Variants in ROGDI observed in about 807,000 individuals in gnomAD.
ROGDI encodes rogdi atypical leucine zipper, also known as protein rogdi homolog.
Under a neutral mutation model 43.1 loss-of-function variants are expected in ROGDI, and 46 were observed. The observed-to-expected ratio is 1.07, with a 90% CI of 0.84 to 1.37. ROGDI has a LOEUF of 1.37. Among genes scored for constraint, ROGDI ranks in the 40% most tolerant of loss-of-function variants. The pLI, the probability that ROGDI is intolerant of heterozygous loss-of-function variation, is 0.00. For synonymous variants in ROGDI, 243 were observed against 162.0 expected (o/e 1.50, Z -3.80); for missense variants, 518 against 383.9 (o/e 1.35, Z -2.92).
chr16:4,800,490 G>A lies in ROGDI; in HGVS notation c.336+8C>T, dbSNP rs1447116245. ...TGGCTGAGCACTAGCCAGGAGGGGC[G>A]GGGTCACCTGCTGCAGCTTCCACTG... On this transcript the variant is annotated splice_region_variant and intron_variant, in intron 5 of 10. Transcript: ENST00000322048. 10 of 1,552,388 alleles carry A rather than the reference G, an allele frequency of 6.4e-6. No homozygotes were observed. The highest frequency in any genetic ancestry group is 2.4e-5 in the East Asian group (1 of 41,192).
In ROGDI at chr16:4,801,273, G is replaced by C. The variant is rs769659198; in HGVS notation, c.249C>G (p.Ser83Arg). ...GVLTLQGDALSQADVNLKMPR... is the reference protein window; with the variant it reads ...GVLTLQGDALRQADVNLKMPR... ...ACAGGGCCGGGGGACTCACCGCCTG[G>C]CTGAGGGCATCCCCCTGCAGAGTCA... The change falls in exon 4 of 11, where the codon AGC becomes AGG. Residue 83 changes from serine (S) to arginine (R), a missense_variant. Transcript: ENST00000322048. 3 of 1,606,736 alleles carry C rather than the reference G, an allele frequency of 1.9e-6. No homozygotes were observed. In the South Asian group the frequency reaches 3.3e-5, roughly 18 times the overall value.
At chr16:4,802,078 C>CAGGCAG (rs1450457920) in intron 2 of ROGDI, 4 of 622,552 alleles carry the variant, frequency 6.4e-6, no homozygotes, top group Non-Finnish European at 1.2e-5. Flanking sequence ...GTCACACTGC[C>CAGGCAG]AGGCAGAGGC....
rs752089137 is a variant in ROGDI at position 4,797,958 on chromosome 16, C to T, written c.675G>A (p.Leu225=). 1.9e-6 allele frequency: 3 copies of T among 1,604,852 alleles called. No individual in the cohort carries two copies. Among genetic ancestry groups the T allele is most frequent in the Admixed American group, 1.7e-5 (1 of 59,672 alleles). ...KNFRPAGGAV[L]HSPGAMFEWG... ...CTTACAACATGGCCCCAGGGCTATG[C>T]AGCACCGCGCCCCCAGCTGGGCGGA... Residue 225 remains leucine (L), a synonymous_variant, in exon 9 of 11, where the codon CTG becomes CTA. Transcript: ENST00000322048.
intron 7 of ROGDI, 179 bp downstream of exon 7, chr16:4,798,390 A>G (rs374924457): frequency 2.2e-5 from 15 of 695,930 alleles, no homozygotes; most frequent in East Asian, 1.4e-4. Context: ...AACCCGAAAC[A>G]GGGTTAACGT....
rs369198714 is a variant in ROGDI at position 4,801,336 on chromosome 16, G to C, written c.201-15C>G. On this transcript the variant is annotated splice_polypyrimidine_tract_variant and intron_variant, in intron 3 of 10. Coordinates refer to ENST00000322048, the MANE Select transcript of ROGDI (RefSeq NM_024589.3). ...CCTGGTCTGTGCTGTAACATGTGGC[G>C]TCAGAGCGGTGCCTGTGGTCACCCC... 1.2e-6 allele frequency: 2 copies of C among 1,600,396 alleles called. No individual in the cohort carries two copies. Among genetic ancestry groups the C allele is most frequent in the Non-Finnish European group, 1.7e-6 (2 of 1,170,704 alleles).
At chr16:4,800,427 G>T in intron 5 of ROGDI, 71 bp downstream of exon 5, 3 of 1,270,514 alleles carry the variant, frequency 2.4e-6, no homozygotes, top group South Asian at 1.3e-5. Context: ...TCCCTCTCCA[G>T]GGAGGCCCCG....
At position 4,800,416 on chromosome 16, in the gene ROGDI, G is replaced by C. The variant is rs917156946; in HGVS notation, c.336+82C>G. On this transcript the variant is annotated intron_variant, in intron 5 of 10. Coordinates refer to ENST00000322048, the MANE Select transcript of ROGDI (RefSeq NM_024589.3). ...CTGTGGCCACAGATCCCCAGGGCTAGTCCCTCTCCAGGGAGGCCCCGCGGC... is the reference window on the plus strand; with the variant it reads ...CTGTGGCCACAGATCCCCAGGGCTACTCCCTCTCCAGGGAGGCCCCGCGGC... 9.0e-6 allele frequency: 10 copies of C among 1,116,336 alleles called. No homozygotes were observed. The Admixed American group carries it at 1.9e-4, about 21-fold the overall frequency. 69.2% of individuals were successfully genotyped at this position (1,116,336 alleles called of 1,614,324 possible).
intron 10 of ROGDI, 65 bp downstream of exon 10, chr16:4,797,649 T>G: frequency 6.2e-7 from 1 of 1,609,780 alleles, no homozygotes; most frequent in African/African-American, 1.3e-5. Flanking sequence ...GTTGGGGCGC[T>G]CTGAGGGTGT....
intron 2 of ROGDI, chr16:4,802,049 G>A (rs1596279808): frequency 1.7e-6 from 1 of 599,308 alleles, no homozygotes; most frequent in Non-Finnish European, 3.1e-6. Context: ...GCCCAGGGAG[G>A]TTCAGTGACT....
In ROGDI at chr16:4,797,924, C is replaced by G. The variant is rs904766669; in HGVS notation, c.695+14G>C. On this transcript the variant is annotated intron_variant, in intron 9 of 10. Transcript: ENST00000322048. ...GGGTGGGCGTGCCTGGACCCCCCGCCCCTGCCTACTTACAACATGGCCCCA... is the reference window on the plus strand; with the variant it reads ...GGGTGGGCGTGCCTGGACCCCCCGCGCCTGCCTACTTACAACATGGCCCCA... The G allele has an allele frequency of 6.3e-7, 1 of 1,599,042 alleles. No homozygotes were observed. Among genetic ancestry groups the G allele is most frequent in the Non-Finnish European group, 8.5e-7 (1 of 1,170,498 alleles).
chr16:4,797,787 A>C lies in ROGDI; in HGVS notation c.749T>G (p.Val250Gly). 6.2e-7 allele frequency: 1 copy of C among 1,613,624 alleles called. No homozygotes were observed. Among genetic ancestry groups the C allele is most frequent in the Non-Finnish European group, 8.5e-7 (1 of 1,179,956 alleles). Residue 250 changes from valine (V) to glycine (G), a missense_variant, in exon 10 of 11, where the codon GTG (valine) becomes GGG (glycine). Physicochemically the swap from Val to Gly is moderately radical, Grantham distance 109. Coordinates refer to ENST00000322048, the MANE Select transcript of ROGDI (RefSeq NM_024589.3). ...CAGGGCGTCGTTGAGCCAGGGGATC[A>C]CGCACTCCACTTTGTGCACGTGGCT... ...EVSHVHKVEC[V>G]IPWLNDALVY...
chr16:4,801,718 C>T lies in ROGDI; in HGVS notation c.118-133G>A, dbSNP rs2082724141. On this transcript the variant is annotated intron_variant, in intron 2 of 10. Coordinates refer to ENST00000322048, the MANE Select transcript of ROGDI (RefSeq NM_024589.3). ...GTGGCCTGGCCTCACCTGGGTTCAG[C>T]TGGGGTGGGAAGACCCTGCCCAAGC... 4.9e-6 allele frequency: 4 copies of T among 818,120 alleles called. No homozygotes were observed. In the Admixed American group the frequency reaches 8.8e-5, roughly 18 times the overall value. The allele number at this position is 818,120 out of a possible 1,614,324, so 50.7% of individuals were successfully genotyped here.
intron 10 of ROGDI, 77 bp downstream of exon 10, chr16:4,797,637 A>G: frequency 6.2e-7 from 1 of 1,606,902 alleles, no homozygotes; most frequent in South Asian, 1.1e-5. Flanking sequence ...CCAGACCCCA[A>G]GGTTGGGGCG....
At chr16:4,801,811 C>G (rs1025342812) in intron 2 of ROGDI, 10 of 598,304 alleles carry the variant, frequency 1.7e-5, no homozygotes, top group Middle Eastern at 4.4e-4. Context: ...TCCTGTGTGC[C>G]CGCCTCGGGG....
Position 4,798,561 on chromosome 16 carries a change from G to A in ROGDI, c.531+8C>T. The A allele has an allele frequency of 1.3e-6, 2 of 1,545,492 alleles. No individual in the cohort carries two copies. Among genetic ancestry groups the A allele is most frequent in the Non-Finnish European group, 1.7e-6 (2 of 1,150,518 alleles). On this transcript the variant is annotated splice_region_variant and intron_variant, in intron 7 of 10. Transcript: ENST00000322048. ...TCTCCTGCAGCAGGGGCTGGCAGGG[G>A]CACTGACCGTGAGGCCGCTGGCGGC...
At chr16:4,800,439 G>C in intron 5 of ROGDI, 59 bp downstream of exon 5, 1 of 1,404,116 alleles carries the variant, frequency 7.1e-7, no homozygotes, top group Non-Finnish European at 9.8e-7. Context: ...GAGGCCCCGC[G>C]GCAGGCCTGC....
intron 2 of ROGDI, 48 bp downstream of exon 2, chr16:4,802,334 G>T: frequency 1.3e-6 from 2 of 1,484,506 alleles, no homozygotes; most frequent in East Asian, 2.4e-5. Context: ...CCAGGGAAAT[G>T]AGGAGGGAGG....
In ROGDI at chr16:4,797,738, C is replaced by G. The variant is rs1157020326; in HGVS notation, c.798G>C (p.Gln266His). 2.1e-6 allele frequency: 3 copies of G among 1,409,664 alleles called. No individual in the cohort carries two copies. The highest frequency in any genetic ancestry group is 5.5e-5 in the East Asian group (2 of 36,276). The allele number at this position is 1,409,664 out of a possible 1,614,324, so 87.3% of individuals were successfully genotyped here. The change falls in exon 10 of 11, where the codon CAG (glutamine) becomes CAC (histidine). Residue 266 changes from glutamine (Q) to histidine (H), a missense_variant. By Grantham distance (24) the Gln-to-His change is conservative (BLOSUM62 0). Coordinates refer to ENST00000322048, the MANE Select transcript of ROGDI (RefSeq NM_024589.3). Reference protein sequence around the residue: ...DALVYFTVSLQLCQQLKDKIS... With the variant: ...DALVYFTVSLHLCQQLKDKIS... ...CCTTGTCCTTGAGCTGCTGGCAGAG[C>G]TGCAGGGAGACGGTGAAGTAGACCA...
chr16:4,798,970 C>T (rs1436438998), intron 6 of ROGDI, among the ~76,000 whole-genome samples: 1 of 152,016 alleles, frequency 6.6e-6, no homozygotes, highest in South Asian at 2.1e-4. Flanking sequence ...GCTTTGTGGA[C>T]AGGGGTACAG....
Sources: allele counts gnomAD v4.1 joint callset (sites outside exome capture counted in the v4.1 genomes callset), GRCh38; gene constraint gnomAD v4.1.1; transcripts MANE v1.5; gene names NCBI Gene and HGNC (gene_info 2026-07-23, HGNC 2026-07-21).